FAM107B: variants seen among roughly 807,000 people sequenced by gnomAD.
FAM107B encodes family with sequence similarity 107 member B.
A neutral mutation model predicts 31.5 loss-of-function variants in FAM107B; 21 were observed. The ratio of observed to expected loss-of-function variants is 0.67; its 90% CI spans 0.47 to 0.96. FAM107B has a LOEUF of 0.96. Ranked by LOEUF, FAM107B falls within the 40% of genes least tolerant of loss-of-function variation. FAM107B has a pLI of 0.00. For missense variants in FAM107B, 452 were observed against 377.1 expected, an observed-to-expected ratio of 1.20 and a Z score of -1.64; for synonymous variants, 157 against 141.5, an observed-to-expected ratio of 1.11 and a Z score of -0.78.
At chr10:14,760,937 G>A (rs1393485743) in intron 1 of FAM107B, among the ~76,000 whole-genome samples, 5 of 150,060 alleles carry the variant, frequency 3.3e-5, no homozygotes, top group African/African-American at 7.4e-5. Flanking sequence ...GCTTGAACCC[G>A]GGAGGCGAAG....
intron 1 of FAM107B, among the ~76,000 whole-genome samples, chr10:14,677,513 C>T (rs928662844): frequency 2.6e-5 from 4 of 152,014 alleles, no homozygotes; most frequent in African/African-American, 9.7e-5. Flanking sequence ...CCCAGCTACT[C>T]GGCAGGCTGA....
intron 2 of FAM107B, among the ~76,000 whole-genome samples, chr10:14,605,310 A>G (rs998337098): frequency 1.3e-5 from 2 of 152,196 alleles, no homozygotes; most frequent in East Asian, 3.8e-4. Context: ...GCCAACCCTA[A>G]GGCTCTGAGA....
At chr10:14,693,028 C>T (rs1855179174) in intron 1 of FAM107B, among the ~76,000 whole-genome samples, 1 of 152,214 alleles carries the variant, frequency 6.6e-6, no homozygotes, top group Admixed American at 6.5e-5. Context: ...TCTGTTACTG[C>T]TTTGGAGTAA....
chr10:14,612,779 C>T (rs1463028728), intron 2 of FAM107B, among the ~76,000 whole-genome samples: 1 of 152,002 alleles, frequency 6.6e-6, no homozygotes, highest in Admixed American at 6.5e-5. Context: ...GACAAAGACA[C>T]ACAGAGAAAG....
At chr10:14,581,769 G>A (rs1851643993) in intron 2 of FAM107B, among the ~76,000 whole-genome samples, 1 of 152,178 alleles carries the variant, frequency 6.6e-6, no homozygotes, top group Admixed American at 6.5e-5. Flanking sequence ...TGAGCGTGGT[G>A]GTGCACACCC....
intron 2 of FAM107B, among the ~76,000 whole-genome samples, chr10:14,613,773 T>C (rs949469482): frequency 6.6e-6 from 1 of 152,166 alleles, no homozygotes; most frequent in African/African-American, 2.4e-5. Flanking sequence ...GCTAGGCTAA[T>C]CTAGTAAAAC....
At chr10:14,654,823 A>G (rs575350914) in intron 2 of FAM107B, among the ~76,000 whole-genome samples, 2 of 152,336 alleles carry the variant, frequency 1.3e-5, no homozygotes, top group East Asian at 3.9e-4. Flanking sequence ...AAATCATTAA[A>G]TGCCCCTCAG....
chr10:14,565,141 T>C (rs1374790553), intron 2 of FAM107B, among the ~76,000 whole-genome samples: 2 of 152,260 alleles, frequency 1.3e-5, no homozygotes, highest in Non-Finnish European at 2.9e-5. Flanking sequence ...AGTGTACAGC[T>C]TGTGCCAGGC....
intron 2 of FAM107B, among the ~76,000 whole-genome samples, chr10:14,625,615 A>T (rs1853140516): frequency 6.6e-6 from 1 of 152,162 alleles, no homozygotes; most frequent in Non-Finnish European, 1.5e-5. Context: ...CAAGAGAAAC[A>T]GGCAGAAGAG....
intron 2 of FAM107B, chr10:14,553,312 C>T: frequency 8.0e-7 from 1 of 1,248,886 alleles, no homozygotes; most frequent in Non-Finnish European, 1.0e-6. Flanking sequence ...GTAAATTTCC[C>T]CACACTTACT....
At chr10:14,750,655 G>A (rs956112285) in intron 1 of FAM107B, among the ~76,000 whole-genome samples, 6 of 152,052 alleles carry the variant, frequency 3.9e-5, no homozygotes, top group Non-Finnish European at 7.4e-5. Context: ...AGGCAACACC[G>A]TTCTAGTCTC....
intron 1 of FAM107B, among the ~76,000 whole-genome samples, chr10:14,683,089 T>C (rs12767375): frequency 0.27 from 41,350 of 151,900 alleles, 6,099 homozygotes; most frequent in East Asian, 0.49. Flanking sequence ...AAAGGTGCAA[T>C]GTGTACTTTT....
In FAM107B at chr10:14,774,818, C is replaced by T; in HGVS notation, c.-155G>A. The T allele has an allele frequency of 1.2e-6, 1 of 822,802 alleles. No homozygotes were observed. The allele number at this position is 822,802 out of a possible 1,614,324, so 51.0% of individuals were successfully genotyped here. A position where few individuals can be genotyped will look rare whatever the true frequency, so the allele number is the denominator to read the frequency against. The stretch of plus-strand genomic sequence containing the variant: ...TAAATAGAAGTTGGGATGGCAAGGC[C>T]ACCTTCCCTGAGAGTCACTTAGCCG... On this transcript the variant is annotated 5_prime_UTR_variant, in exon 1 of 5. Transcript: ENST00000181796.
chr10:14,693,573 C>T (rs79048959), intron 1 of FAM107B, among the ~76,000 whole-genome samples: 4,023 of 152,114 alleles, frequency 0.026, 171 homozygotes, highest in African/African-American at 0.092. Context: ...CATTACCTCA[C>T]ATAGTTACTC....
At chr10:14,525,213 T>C (rs1254951297) in intron 3 of FAM107B, among the ~76,000 whole-genome samples, 3 of 152,170 alleles carry the variant, frequency 2.0e-5, no homozygotes, top group Non-Finnish European at 2.9e-5. Flanking sequence ...ATACCATCCC[T>C]TGCACAAGAA....
chr10:14,558,238 C>A (rs1336782287), intron 2 of FAM107B, among the ~76,000 whole-genome samples: 2 of 151,896 alleles, frequency 1.3e-5, no homozygotes, highest in African/African-American at 4.8e-5. Flanking sequence ...TGCATGCGCA[C>A]ACTCACATAC....
At chr10:14,530,007 A>G (rs1846774861) in intron 3 of FAM107B, 1 of 209,618 alleles carries the variant, frequency 4.8e-6, no homozygotes, top group African/African-American at 2.3e-5. Context: ...ATTTAAGAAC[A>G]TATTTCTCTT....
intron 1 of FAM107B, among the ~76,000 whole-genome samples, chr10:14,673,636 C>T (rs1854611097): frequency 6.6e-6 from 1 of 150,606 alleles, no homozygotes; most frequent in Non-Finnish European, 1.5e-5. Context: ...GATCTCCTTC[C>T]CTTTGGATGC....
rs540899605 is a variant in FAM107B at position 14,734,099 on chromosome 10, A to T, written c.411+40154T>A. Among the ~76,000 whole-genome samples, 193 of 152,134 alleles carry T rather than the reference A, an allele frequency of 1.3e-3. 1 individual carries two copies. Among genetic ancestry groups the T allele is most frequent in the Non-Finnish European group, 6.2e-4 (42 of 68,010 alleles). ...CACATTTGGACTTCCTTTAAAAAAA[A>T]ATATATACAACTTCTTGTTCTGAAA... On this transcript the variant is annotated intron_variant, in intron 1 of 4. Coordinates refer to ENST00000181796, the MANE Select transcript of FAM107B (RefSeq NM_031453.4).
Sources: allele counts gnomAD v4.1 joint callset (sites outside exome capture counted in the v4.1 genomes callset), GRCh38; gene constraint gnomAD v4.1.1; transcripts MANE v1.5; gene names NCBI Gene and HGNC (gene_info 2026-07-23, HGNC 2026-07-21).